Variants in ATP10B observed in about 807,000 individuals in gnomAD.
ATP10B encodes phospholipid-transporting ATPase VB.
Under a neutral mutation model 141.2 loss-of-function variants are expected in ATP10B, and 122 were observed. That is an observed-to-expected ratio of 0.86 (90% CI 0.75 to 1.00). ATP10B has a LOEUF of 1.00. Ranked by LOEUF, ATP10B falls within the 50% of genes least tolerant of loss-of-function variation. The probability of loss-of-function intolerance (pLI) is 0.00; values close to 1 mark genes in which losing one functional copy is unlikely to be tolerated. For synonymous variants in ATP10B, 685 were observed against 692.0 expected (o/e 0.99, Z 0.16); for missense variants, 1,876 against 1,825.3 (o/e 1.03, Z -0.51).
intron 2 of ATP10B, among the ~76,000 whole-genome samples, chr5:160,723,230 G>A (rs1766101256): frequency 6.6e-6 from 1 of 152,206 alleles, no homozygotes; most frequent in Non-Finnish European, 1.5e-5. Context: ...CATATACTAA[G>A]GTTGAAATGC....
Position 160,743,210 on chromosome 5 carries a change from G to A in ATP10B, c.-330-26176C>T, listed in dbSNP as rs150634048. ...TCCTGAAACTAGTTCATGGATGGAT[G>A]AGCCAGGATTCAAATATAGGCTGTG... On this transcript the variant is annotated intron_variant, in intron 2 of 25. Coordinates refer to ENST00000327245, the MANE Select transcript of ATP10B (RefSeq NM_025153.3). Among the ~76,000 whole-genome samples, 621 of 152,286 alleles carry A rather than the reference G, an allele frequency of 4.1e-3. 2 individuals are homozygous for A. The highest frequency in any genetic ancestry group is 0.013 in the African/African-American group (553 of 41,550).
chr5:160,583,194 G>GT (rs902819683), intron 24 of ATP10B, among the ~76,000 whole-genome samples: 1 of 152,092 alleles, frequency 6.6e-6, no homozygotes, highest in Admixed American at 6.5e-5. Context: ...TTTTTGTGCT[G>GT]TTTTTTTCTC....
At chr5:160,611,354 CCTT>C (rs1000101103) in intron 18 of ATP10B, among the ~76,000 whole-genome samples, 4 of 152,120 alleles carry the variant, frequency 2.6e-5, no homozygotes, top group Admixed American at 1.3e-4. Context: ...CAGATGTTCT[CCTT>C]CTAGAATTAC....
At chr5:160,646,754 G>A (rs1323207714) in intron 8 of ATP10B, among the ~76,000 whole-genome samples, 2 of 152,158 alleles carry the variant, frequency 1.3e-5, no homozygotes, top group Non-Finnish European at 2.9e-5. Context: ...TACTTCTCTC[G>A]GTTGTAATGT....
chr5:160,731,094 G>T (rs1233033157), intron 2 of ATP10B, among the ~76,000 whole-genome samples: 1 of 152,132 alleles, frequency 6.6e-6, no homozygotes, highest in Non-Finnish European at 1.5e-5. Flanking sequence ...CAGAATCTAT[G>T]GGGAAGATGT....
intron 7 of ATP10B, among the ~76,000 whole-genome samples, chr5:160,657,904 C>T (rs1394918437): frequency 6.6e-6 from 1 of 152,176 alleles, no homozygotes. Flanking sequence ...GAAATATGGG[C>T]AGGTGCCATC....
intron 1 of ATP10B, among the ~76,000 whole-genome samples, chr5:160,828,776 T>C (rs948637565): frequency 2.6e-5 from 4 of 151,722 alleles, no homozygotes; most frequent in Admixed American, 2.0e-4. Flanking sequence ...ATTGCGGCAC[T>C]ATTCACAATA....
the ATP10B span, among the ~76,000 whole-genome samples, chr5:160,880,805 A>C: frequency 2.0e-5 from 3 of 152,344 alleles, no homozygotes; most frequent in East Asian, 3.9e-4. Flanking sequence ...AATGGATTAG[A>C]GACCTAAATA....
intron 2 of ATP10B, among the ~76,000 whole-genome samples, chr5:160,752,194 T>C (rs982735565): frequency 4.6e-5 from 6 of 131,076 alleles, no homozygotes; most frequent in South Asian, 4.7e-4. Flanking sequence ...TTTTTTTTTT[T>C]CAGGAAAAAC....
chr5:160,724,396 T>A (rs996298188), intron 2 of ATP10B, among the ~76,000 whole-genome samples: 2 of 151,972 alleles, frequency 1.3e-5, no homozygotes, highest in African/African-American at 2.4e-5. Context: ...GTGCTGGAAT[T>A]ACAGGAAGGG....
At chr5:160,742,701 T>C (rs1767559902) in intron 2 of ATP10B, among the ~76,000 whole-genome samples, 2 of 152,146 alleles carry the variant, frequency 1.3e-5, no homozygotes, top group Admixed American at 1.3e-4. Context: ...GGGGAGACCC[T>C]ATGTAGGTGC....
At chr5:160,869,088 C>T in the ATP10B span, among the ~76,000 whole-genome samples, 1 of 152,076 alleles carries the variant, frequency 6.6e-6, no homozygotes, top group Non-Finnish European at 1.5e-5. Flanking sequence ...GCAAAATAAG[C>T]ATAACAATGT....
the ATP10B span, among the ~76,000 whole-genome samples, chr5:160,896,734 CA>C: frequency 1.3e-5 from 2 of 151,914 alleles, no homozygotes; most frequent in African/African-American, 4.8e-5. Context: ...CTGGCAGCAA[CA>C]AAACAACAAC....
At chr5:160,896,087 G>A in the ATP10B span, among the ~76,000 whole-genome samples, 4 of 152,150 alleles carry the variant, frequency 2.6e-5, no homozygotes, top group African/African-American at 9.7e-5. Flanking sequence ...GCCCACAGGA[G>A]AAAGCATGAA....
chr5:160,730,599 G>A (rs769342792), intron 2 of ATP10B, among the ~76,000 whole-genome samples: 4 of 152,020 alleles, frequency 2.6e-5, no homozygotes, highest in Admixed American at 6.6e-5. Flanking sequence ...AGTACAAAAA[G>A]CGTTTTTCTT....
intron 6 of ATP10B, among the ~76,000 whole-genome samples, chr5:160,672,868 G>A (rs1762800462): frequency 6.6e-6 from 1 of 152,170 alleles, no homozygotes. Context: ...TCCCCTCCTG[G>A]AGGCCCTCTG....
intron 2 of ATP10B, among the ~76,000 whole-genome samples, chr5:160,781,482 G>A (rs1160919047): frequency 1.3e-5 from 2 of 152,056 alleles, no homozygotes; most frequent in Non-Finnish European, 2.9e-5. Flanking sequence ...GACATTAAGT[G>A]AGTTAGGGAA....
intron 6 of ATP10B, among the ~76,000 whole-genome samples, chr5:160,677,839 G>A (rs547599302): frequency 1.3e-5 from 2 of 152,286 alleles, no homozygotes; most frequent in East Asian, 3.9e-4. Flanking sequence ...ATTCTGCCTG[G>A]TCAATCAGTT....
the ATP10B span, among the ~76,000 whole-genome samples, chr5:160,923,656 C>T: frequency 6.6e-6 from 1 of 152,194 alleles, no homozygotes; most frequent in African/African-American, 2.4e-5. Flanking sequence ...CTGATAACAG[C>T]CAGCTTGCAT....
Sources: gnomAD v4.1 joint callset for allele counts (sites outside exome capture counted in the v4.1 genomes callset) on GRCh38, gnomAD v4.1.1 for gene constraint, MANE v1.5 for transcripts, NCBI Gene and HGNC (gene_info 2026-07-23, HGNC 2026-07-21) for gene names.